PMFBP1: variants seen among roughly 807,000 people sequenced by gnomAD.
The protein encoded by PMFBP1 is polyamine-modulated factor 1-binding protein 1.
A neutral mutation model predicts 137.8 loss-of-function variants in PMFBP1; 131 were observed. That is an observed-to-expected ratio of 0.95 (90% CI 0.82 to 1.10). The LOEUF is 1.10. Ranked by LOEUF, PMFBP1 falls within the 50% of genes least tolerant of loss-of-function variation. The probability of loss-of-function intolerance (pLI) is 0.00; values close to 1 mark genes in which losing one functional copy is unlikely to be tolerated. For synonymous variants in PMFBP1, 490 were observed against 450.4 expected (o/e 1.09, Z -1.11); for missense variants, 1,199 against 1,175.4 (o/e 1.02, Z -0.29).
intron 20 of PMFBP1, chr16:72,119,633 T>G (rs1381611835): frequency 6.9e-6 from 10 of 1,443,822 alleles, no homozygotes; most frequent in African/African-American, 1.4e-5. Context: ...GTCTGAGATG[T>G]GAGGCACTTG....
the PMFBP1 span, among the ~76,000 whole-genome samples, chr16:72,238,270 AG>A: frequency 6.6e-6 from 1 of 152,224 alleles, no homozygotes; most frequent in African/African-American, 2.4e-5. Context: ...TTCCACCAAC[AG>A]GGTATAGTGT....
the PMFBP1 span, among the ~76,000 whole-genome samples, chr16:72,199,925 G>C: frequency 6.6e-6 from 1 of 152,216 alleles, no homozygotes; most frequent in African/African-American, 2.4e-5. Flanking sequence ...TCTACATAGA[G>C]AGCTTAGTAA....
the PMFBP1 span, among the ~76,000 whole-genome samples, chr16:72,205,494 G>A: frequency 6.6e-6 from 1 of 152,214 alleles, no homozygotes. Flanking sequence ...ACCCCTGTGA[G>A]CATCCTGGAT....
At chr16:72,234,964 T>G in the PMFBP1 span, among the ~76,000 whole-genome samples, 5 of 152,208 alleles carry the variant, frequency 3.3e-5, no homozygotes, top group Non-Finnish European at 7.3e-5. Flanking sequence ...GATAGATTAT[T>G]TGCAAATATT....
chr16:72,210,272 A>AGG, the PMFBP1 span, among the ~76,000 whole-genome samples: 1 of 152,244 alleles, frequency 6.6e-6, no homozygotes, highest in Non-Finnish European at 1.5e-5. Context: ...CTTCCCCAGC[A>AGG]GGAGAGTAGG....
At chr16:72,234,801 G>C in the PMFBP1 span, among the ~76,000 whole-genome samples, 1 of 152,270 alleles carries the variant, frequency 6.6e-6, no homozygotes, top group East Asian at 1.9e-4. Context: ...TAATGATACT[G>C]AGCATGTTTT....
Position 72,164,902 on chromosome 16 carries a change from G to GTC in PMFBP1, c.25_26dup (p.Asp9GlufsTer5), listed in dbSNP as rs747218025. 1 of 1,593,464 alleles carries GTC rather than the reference G, an allele frequency of 6.3e-7. No individual in the cohort carries two copies. Among genetic ancestry groups the GTC allele is most frequent in the Non-Finnish European group, 8.6e-7 (1 of 1,164,002 alleles). Reference sequence around the variant, plus strand: ...TGCTGTTCAGGCTGCTCACTTCTCTGTCTCTCTCCCCCGCCTAGGCAGCCA... The same window carrying GTC: ...TGCTGTTCAGGCTGCTCACTTCTCTGTCTCTCTCTCCCCCGCCTAGGCAGCCA... On this transcript the variant is annotated frameshift_variant, in exon 3 of 21. Transcript: ENST00000237353. LOFTEE classifies it high-confidence loss of function.
intron 1 of PMFBP1, 50 bp from the exon 2 acceptor site, chr16:72,171,318 C>A: frequency 7.8e-7 from 1 of 1,286,696 alleles, no homozygotes; most frequent in Non-Finnish European, 1.1e-6. Flanking sequence ...TGAGCCTCTG[C>A]CCTTTAAAGA....
chr16:72,237,385 C>G, the PMFBP1 span, among the ~76,000 whole-genome samples: 1 of 152,068 alleles, frequency 6.6e-6, no homozygotes, highest in East Asian at 1.9e-4. Context: ...AGGGTTTGGC[C>G]TGCTTTCCAT....
chr16:72,175,439 G>A (rs937659571), upstream of PMFBP1, among the ~76,000 whole-genome samples: 1 of 152,180 alleles, frequency 6.6e-6, no homozygotes, highest in Admixed American at 6.5e-5. Context: ...CACAAATGCC[G>A]TAATCACAGA....
chr16:72,157,048 G>C (rs1422748729), intron 3 of PMFBP1, among the ~76,000 whole-genome samples: 2 of 151,596 alleles, frequency 1.3e-5, no homozygotes, highest in African/African-American at 4.8e-5. Context: ...AATTAGCCGG[G>C]TGTGGTGGCG....
the PMFBP1 span, among the ~76,000 whole-genome samples, chr16:72,214,370 T>G: frequency 6.6e-6 from 1 of 151,494 alleles, no homozygotes; most frequent in African/African-American, 2.4e-5. Flanking sequence ...AGAGACGGGG[T>G]TTTGCCACGT....
chr16:72,180,078 G>A (rs1437879537), upstream of PMFBP1, among the ~76,000 whole-genome samples: 3 of 152,114 alleles, frequency 2.0e-5, no homozygotes, highest in Non-Finnish European at 2.9e-5. Flanking sequence ...GTCCTTTCCC[G>A]CACAGTACAT....
the PMFBP1 span, among the ~76,000 whole-genome samples, chr16:72,220,152 T>A: frequency 6.6e-6 from 1 of 152,222 alleles, no homozygotes; most frequent in Non-Finnish European, 1.5e-5. Flanking sequence ...TTAAAAAGAA[T>A]TATACTCTTT....
At chr16:72,171,123 A>C (rs567292010) in intron 2 of PMFBP1, 74 bp downstream of exon 2, 16 of 1,085,488 alleles carry the variant, frequency 1.5e-5, no homozygotes, top group Non-Finnish European at 2.1e-5. Flanking sequence ...TGGAATTTTG[A>C]ATCATAAAAC....
At chr16:72,216,178 AG>A in the PMFBP1 span, among the ~76,000 whole-genome samples, 1 of 152,132 alleles carries the variant, frequency 6.6e-6, no homozygotes, top group Non-Finnish European at 1.5e-5. Context: ...AGGAAACCCC[AG>A]GGGACATGGA....
the PMFBP1 span, among the ~76,000 whole-genome samples, chr16:72,218,099 A>C: frequency 2.0e-5 from 3 of 152,222 alleles, no homozygotes; most frequent in Non-Finnish European, 4.4e-5. Context: ...TTAGGTCTGC[A>C]TCTGGATACA....
At chr16:72,223,937 G>A in the PMFBP1 span, among the ~76,000 whole-genome samples, 1 of 152,148 alleles carries the variant, frequency 6.6e-6, no homozygotes, top group Non-Finnish European at 1.5e-5. Context: ...AAACACCTGG[G>A]AAGGATAGCA....
At chr16:72,127,141 C>A (rs1442741038) in intron 14 of PMFBP1, among the ~76,000 whole-genome samples, 4 of 152,192 alleles carry the variant, frequency 2.6e-5, no homozygotes, top group African/African-American at 9.7e-5. Context: ...CTGAAAGTGG[C>A]CATGCACACA....
Sources: gnomAD v4.1 joint callset for allele counts (sites outside exome capture counted in the v4.1 genomes callset) on GRCh38, gnomAD v4.1.1 for gene constraint, MANE v1.5 for transcripts, NCBI Gene and HGNC (gene_info 2026-07-23, HGNC 2026-07-21) for gene names.